Variants in DTNA observed in about 807,000 individuals in gnomAD.
DTNA encodes dystrobrevin alpha.
In DTNA, 43 loss-of-function variants were observed where a neutral mutation model predicts 100.7. That is an observed-to-expected ratio of 0.43 (90% confidence interval 0.33 to 0.55). The LOEUF (loss-of-function observed/expected upper bound fraction) is 0.55. DTNA is among the 20% of genes least tolerant of loss of function. DTNA has a pLI of 0.04. For synonymous variants in DTNA, 349 were observed against 347.9 expected, an observed-to-expected ratio of 1.00 and a Z score of -0.04; for missense variants, 798 against 953.9, an observed-to-expected ratio of 0.84 and a Z score of 2.15.
chr18:34,550,610 C>T (rs577664784), intron 1 of DTNA, among the ~76,000 whole-genome samples: 2 of 152,002 alleles, frequency 1.3e-5, no homozygotes, highest in African/African-American at 4.8e-5. Flanking sequence ...ATAAATAAAC[C>T]AAATTAAATG....
At chr18:34,866,225 T>A in intron 17 of DTNA, 1 of 1,611,846 alleles carries the variant, frequency 6.2e-7, no homozygotes, top group South Asian at 1.1e-5. Context: ...TGTATGTTCA[T>A]GCTTCAGTTT....
intron 1 of DTNA, among the ~76,000 whole-genome samples, chr18:34,732,630 T>TA (rs1341137249): frequency 6.6e-6 from 1 of 152,052 alleles, no homozygotes; most frequent in African/African-American, 2.4e-5. Context: ...ATGGCAAAAA[T>TA]AAAAATCAGC....
chr18:34,803,754 A>G (rs527483235), intron 4 of DTNA, among the ~76,000 whole-genome samples: 1 of 152,208 alleles, frequency 6.6e-6, no homozygotes, highest in African/African-American at 2.4e-5. Context: ...GAGGACAGGA[A>G]TGCTTTTGAA....
chr18:34,700,141 G>A (rs956661702), intron 1 of DTNA, among the ~76,000 whole-genome samples: 1 of 151,990 alleles, frequency 6.6e-6, no homozygotes, highest in African/African-American at 2.4e-5. Flanking sequence ...CTTTCCTTAG[G>A]TCACATAAAC....
chr18:34,636,176 C>T (rs951658080), intron 1 of DTNA, among the ~76,000 whole-genome samples: 1 of 152,202 alleles, frequency 6.6e-6, no homozygotes, highest in Non-Finnish European at 1.5e-5. Context: ...GACAAAGTCT[C>T]ACTCTGTCAC....
At chr18:34,523,885 A>G (rs1022165010) in intron 1 of DTNA, among the ~76,000 whole-genome samples, 4 of 152,174 alleles carry the variant, frequency 2.6e-5, no homozygotes, top group Non-Finnish European at 5.9e-5. Context: ...AAATCTGGCA[A>G]TGGAGACTTA....
At chr18:34,760,427 TA>T (rs1290514253) in intron 2 of DTNA, among the ~76,000 whole-genome samples, 12 of 152,196 alleles carry the variant, frequency 7.9e-5, no homozygotes, top group African/African-American at 2.9e-4. Context: ...TTTATTGCTA[TA>T]ACCCTTGAGT....
chr18:34,535,006 C>A (rs979821171), intron 1 of DTNA, among the ~76,000 whole-genome samples: 7 of 151,842 alleles, frequency 4.6e-5, no homozygotes, highest in South Asian at 2.1e-4. Flanking sequence ...GGGTATATAC[C>A]CAGTAATGGG....
chr18:34,560,105 T>C (rs1009735764), intron 1 of DTNA, among the ~76,000 whole-genome samples: 3 of 152,156 alleles, frequency 2.0e-5, no homozygotes, highest in Non-Finnish European at 4.4e-5. Flanking sequence ...TATTTATCTT[T>C]CTGGGCTGAG....
intron 11 of DTNA, among the ~76,000 whole-genome samples, chr18:34,834,936 C>T (rs979755046): frequency 6.6e-6 from 1 of 152,206 alleles, no homozygotes; most frequent in Non-Finnish European, 1.5e-5. Context: ...TCTCTTCAAG[C>T]TTGGAAGCTG....
In DTNA at chr18:34,502,674, T is replaced by G. The variant is rs184341409; in HGVS notation, c.-2+9160T>G. On this transcript the variant is annotated intron_variant, in intron 1 of 19. Coordinates refer to the DTNA transcript ENST00000283365. ...AAATGTTTGAAGATTTTTCCTGCTTTCTTTCCGTTATTGACTTTTAGTTTG... is the reference window on the plus strand; with the variant it reads ...AAATGTTTGAAGATTTTTCCTGCTTGCTTTCCGTTATTGACTTTTAGTTTG... Among the ~76,000 whole-genome samples, 1,228 of 152,376 alleles carry G rather than the reference T, an allele frequency of 8.1e-3. 12 individuals carry two copies. Among genetic ancestry groups the G allele is most frequent in the Non-Finnish European group, 0.013 (893 of 68,038 alleles).
At chr18:34,727,234 G>T (rs1284923449) in intron 1 of DTNA, among the ~76,000 whole-genome samples, 1 of 152,222 alleles carries the variant, frequency 6.6e-6, no homozygotes, top group Non-Finnish European at 1.5e-5. Flanking sequence ...CTGGGCTGGT[G>T]ATGGGAGGAC....
intron 1 of DTNA, among the ~76,000 whole-genome samples, chr18:34,721,533 A>G (rs780592876): frequency 1.3e-5 from 2 of 152,326 alleles, no homozygotes; most frequent in Admixed American, 6.5e-5. Flanking sequence ...CAAAAACGTG[A>G]CGCAGTTCTT....
chr18:34,845,215 G>A (rs2096355041), intron 13 of DTNA, among the ~76,000 whole-genome samples: 1 of 152,096 alleles, frequency 6.6e-6, no homozygotes, highest in Non-Finnish European at 1.5e-5. Context: ...ATACTGAAAT[G>A]GCATTATGTG....
intron 4 of DTNA, among the ~76,000 whole-genome samples, chr18:34,801,261 G>T (rs566382066): frequency 6.6e-6 from 1 of 152,078 alleles, no homozygotes; most frequent in African/African-American, 2.4e-5. Flanking sequence ...TAAATACCTT[G>T]TTACATGTTA....
intron 17 of DTNA, chr18:34,868,800 T>TA: frequency 5.1e-6 from 5 of 980,260 alleles, no homozygotes; most frequent in Non-Finnish European, 6.1e-6. Flanking sequence ...AATTTTTTTT[T>TA]ACAAAACTTG....
At chr18:34,866,254 T>C (rs574472759) in intron 17 of DTNA, 2 of 1,589,988 alleles carry the variant, frequency 1.3e-6, no homozygotes, top group East Asian at 2.3e-5. Context: ...AAAAAAGTCA[T>C]ACTAATTTGC....
chr18:34,734,015 C>T (rs1473597485), intron 1 of DTNA, among the ~76,000 whole-genome samples: 3 of 152,192 alleles, frequency 2.0e-5, no homozygotes, highest in African/African-American at 7.2e-5. Context: ...ATTCCCATGC[C>T]TGTTCTCCAG....
At chr18:34,547,620 A>G (rs1411969079) in intron 1 of DTNA, among the ~76,000 whole-genome samples, 1 of 152,132 alleles carries the variant, frequency 6.6e-6, no homozygotes, top group African/African-American at 2.4e-5. Context: ...GTTCCTGGAG[A>G]TATACCTTAC....
Sources: allele counts gnomAD v4.1 joint callset (sites outside exome capture counted in the v4.1 genomes callset), GRCh38; gene constraint gnomAD v4.1.1; transcripts MANE v1.5; gene names NCBI Gene and HGNC (gene_info 2026-07-23, HGNC 2026-07-21).